Variants in FAM227A observed in about 807,000 individuals in gnomAD.
FAM227A encodes family with sequence similarity 227 member A, also known as protein FAM227A.
FAM227A carries 80 observed loss-of-function variants against 74.7 expected under a neutral mutation model. The observed-to-expected ratio is 1.07, with a 90% CI of 0.89 to 1.29. FAM227A has a LOEUF of 1.29. Ranked by LOEUF, FAM227A falls within the 50% of genes most tolerant of loss-of-function variation. FAM227A has a pLI of 0.00. For missense variants in FAM227A, 654 were observed against 683.4 expected (o/e 0.96, Z 0.48); for synonymous variants, 237 against 241.8 (o/e 0.98, Z 0.19).
chr22:38,591,728 C>A (rs935433229), intron 15 of FAM227A, among the ~76,000 whole-genome samples, 188 bp from the exon 16 acceptor site: 1 of 152,122 alleles, frequency 6.6e-6, no homozygotes, highest in Non-Finnish European at 1.5e-5. Flanking sequence ...ATACTGAGCA[C>A]GCCCATGTAA....
rs2090690621 is a variant in FAM227A, at chr22:38,579,814, T to A, written c.*6311A>T. 6.6e-6 allele frequency: 1 copy of A among 152,310 alleles called. No individual in the cohort carries two copies. The highest frequency in any genetic ancestry group is 2.1e-4 in the South Asian group (1 of 4,830). 9.4% of individuals were successfully genotyped at this position (152,310 alleles called of 1,614,324 possible). A position where few individuals can be genotyped will look rare whatever the true frequency, so the allele number is the denominator to read the frequency against. On this transcript the variant is annotated 3_prime_UTR_variant, in exon 17 of 17. Transcript: ENST00000535113. ...TGCTATTATCACGCCTAGAATAATT[T>A]TATATATAAAATATTTAAGATTCAG...
rs892430759 is a variant in FAM227A, at chr22:38,580,652, C to G, written c.*5473G>C. ...TTGTTTCTAAAGACAAGTTTCTGTT[C>G]CACTACTATTTGGTTACCTGGTAAT... On this transcript the variant is annotated 3_prime_UTR_variant, in exon 17 of 17. Coordinates refer to ENST00000535113, the MANE Select transcript of FAM227A (RefSeq NM_001013647.2). 1.3e-5 allele frequency: 2 copies of G among 152,166 alleles called. No homozygotes were observed. Among genetic ancestry groups the G allele is most frequent in the African/African-American group, 4.8e-5 (2 of 41,436 alleles). 9.4% of individuals were successfully genotyped at this position (152,166 alleles called of 1,614,324 possible).
chr22:38,593,505 TAAAACAAAAC>T (rs896427703), intron 15 of FAM227A, among the ~76,000 whole-genome samples: 1 of 151,980 alleles, frequency 6.6e-6, no homozygotes, highest in Non-Finnish European at 1.5e-5. Context: ...ACTCCGTCTC[TAAAACAAAAC>T]AAAACAAAAC....
At chr22:38,633,698 C>G (rs374249624) in intron 6 of FAM227A, among the ~76,000 whole-genome samples, 4 of 152,084 alleles carry the variant, frequency 2.6e-5, no homozygotes, top group African/African-American at 4.8e-5. Flanking sequence ...TGTGTCACCA[C>G]GCCTGGCTAA....
intron 3 of FAM227A, among the ~76,000 whole-genome samples, chr22:38,640,549 T>C (rs1171424920): frequency 6.6e-6 from 1 of 152,134 alleles, no homozygotes; most frequent in Non-Finnish European, 1.5e-5. Flanking sequence ...GTGACCCAAG[T>C]TGCATTGATT....
rs958186693 is a variant in FAM227A at position 38,578,443 on chromosome 22, T to C, written c.*7682A>G. 7.9e-5 allele frequency: 12 copies of C among 152,202 alleles called. No individual in the cohort carries two copies. The highest frequency in any genetic ancestry group is 2.9e-4 in the African/African-American group (12 of 41,458). The allele number at this position is 152,202 out of a possible 1,614,324, so 9.4% of individuals were successfully genotyped here. A position where few individuals can be genotyped will look rare whatever the true frequency, so the allele number is the denominator to read the frequency against. ...GGCTTTCTCATTTTTTCAGTCCAAA[T>C]TTGAAAAACTTTTTAACTTCAGCAC... On this transcript the variant is annotated 3_prime_UTR_variant, in exon 17 of 17. Coordinates refer to ENST00000535113, the MANE Select transcript of FAM227A (RefSeq NM_001013647.2).
chr22:38,586,371 C>T (rs1167761285), intron 16 of FAM227A, among the ~76,000 whole-genome samples, 172 bp from the exon 17 acceptor site: 4 of 152,216 alleles, frequency 2.6e-5, no homozygotes, highest in Non-Finnish European at 2.9e-5. Flanking sequence ...CTGGCATCCA[C>T]GGCTTCCACA....
At position 38,615,313 on chromosome 22, in the gene FAM227A, C is replaced by T. The variant is rs956204050; in HGVS notation, c.1038+4899G>A. 6.6e-5 allele frequency among the ~76,000 whole-genome samples: 10 copies of T among 152,272 alleles called. No individual in the cohort carries two copies. In the East Asian group the frequency reaches 1.5e-3, roughly 23 times the overall value. On this transcript the variant is annotated intron_variant, in intron 11 of 16. Coordinates refer to ENST00000535113, the MANE Select transcript of FAM227A (RefSeq NM_001013647.2). ...GCTGAAGATTACAGGCTTGAGCCATCGCGCCCGGACAGAGTTTACCTTCTA... is the reference window on the plus strand; with the variant it reads ...GCTGAAGATTACAGGCTTGAGCCATTGCGCCCGGACAGAGTTTACCTTCTA...
Position 38,579,859 on chromosome 22 carries a change from A to G in FAM227A, c.*6266T>C, listed in dbSNP as rs1167722097. On this transcript the variant is annotated 3_prime_UTR_variant, in exon 17 of 17. Coordinates refer to ENST00000535113, the MANE Select transcript of FAM227A (RefSeq NM_001013647.2). The stretch of plus-strand genomic sequence containing the variant: ...ATTCAGATATCCATTTGTCTCATAA[A>G]TGCCACATTTTGTTTCAATGGGATC... 1 of 152,194 alleles carries G rather than the reference A, an allele frequency of 6.6e-6. No homozygotes were observed. Among genetic ancestry groups the G allele is most frequent in the Non-Finnish European group, 1.5e-5 (1 of 68,036 alleles). 9.4% of individuals were successfully genotyped at this position (152,194 alleles called of 1,614,324 possible). A position where few individuals can be genotyped will look rare whatever the true frequency, so the allele number is the denominator to read the frequency against.
At chr22:38,587,697 A>G (rs2090839751) in intron 16 of FAM227A, among the ~76,000 whole-genome samples, 1 of 152,090 alleles carries the variant, frequency 6.6e-6, no homozygotes, top group African/African-American at 2.4e-5. Flanking sequence ...TCCAAAAAAT[A>G]GAAGAGGTAA....
At chr22:38,627,603 T>G (rs1018237538) in intron 8 of FAM227A, among the ~76,000 whole-genome samples, 8 of 151,900 alleles carry the variant, frequency 5.3e-5, no homozygotes, top group Admixed American at 2.0e-4. Flanking sequence ...AAAGTTTTTT[T>G]TTTGTTTGTT....
At chr22:38,651,745 G>C (rs1198907088) in intron 1 of FAM227A, among the ~76,000 whole-genome samples, 1 of 152,132 alleles carries the variant, frequency 6.6e-6, no homozygotes, top group African/African-American at 2.4e-5. Context: ...GATAAAAGGA[G>C]AGGGAAGAAA....
chr22:38,619,539 G>C (rs868336906), intron 11 of FAM227A, among the ~76,000 whole-genome samples: 1 of 152,180 alleles, frequency 6.6e-6, no homozygotes, highest in Non-Finnish European at 1.5e-5. Context: ...GACCAGACTG[G>C]TCTTGGACTC....
In FAM227A at chr22:38,586,199, C is replaced by G; in HGVS notation, c.1639G>C (p.Glu547Gln). 6.5e-7 allele frequency: 1 copy of G among 1,544,638 alleles called. No homozygotes were observed. The highest frequency in any genetic ancestry group is 8.7e-7 in the Non-Finnish European group (1 of 1,145,156). ...CTCTTTCCCTCTCCTCCTTTCCCCT[C>G]CTGTGGGGGAAACAAACGAACAAAA... ...NEESPDKKTK[E>Q]GKGGEGKRRE... The change falls in exon 17 of 17, where the codon GAG becomes CAG. Residue 547 changes from glutamate (E) to glutamine (Q), a missense_variant and splice_region_variant. Coordinates refer to ENST00000535113, the MANE Select transcript of FAM227A (RefSeq NM_001013647.2).
At chr22:38,642,536 T>A (rs2092139467) in intron 3 of FAM227A, among the ~76,000 whole-genome samples, 1 of 152,228 alleles carries the variant, frequency 6.6e-6, no homozygotes, top group African/African-American at 2.4e-5. Flanking sequence ...TCGTTAAAAT[T>A]AAAAATTTCT....
chr22:38,650,381 G>A, intron 1 of FAM227A, 119 bp from the exon 2 acceptor site: 1 of 553,472 alleles, frequency 1.8e-6, no homozygotes, highest in Non-Finnish European at 3.2e-6. Context: ...CATGGGGAAT[G>A]AAAGGGTTCC....
At chr22:38,634,175 CTG>C (rs1042431136) in intron 6 of FAM227A, among the ~76,000 whole-genome samples, 2 of 137,454 alleles carry the variant, frequency 1.5e-5, no homozygotes, top group African/African-American at 2.7e-5. Context: ...TGAGCTGAGA[CTG>C]TGCAACAGCA....
chr22:38,626,891 A>AAAAAAAAAAAAAAT (rs1555966996), intron 8 of FAM227A, among the ~76,000 whole-genome samples: 1 of 57,688 alleles, frequency 1.7e-5, no homozygotes, highest in Non-Finnish European at 2.9e-5. Flanking sequence ...AAAAAAAAAA[A>AAAAAAAAAAAAAAT]ATATATATAT....
intron 6 of FAM227A, among the ~76,000 whole-genome samples, 181 bp downstream of exon 6, chr22:38,636,270 C>T (rs983122601): frequency 1.3e-5 from 2 of 152,128 alleles, no homozygotes; most frequent in African/African-American, 2.4e-5. Context: ...AAGACCGTTG[C>T]TCTGGTAGAA....
Sources: gnomAD v4.1 joint callset for allele counts (sites outside exome capture counted in the v4.1 genomes callset) on GRCh38, gnomAD v4.1.1 for gene constraint, MANE v1.5 for transcripts, NCBI Gene and HGNC (gene_info 2026-07-23, HGNC 2026-07-21) for gene names.